Variants in UBE2K observed in about 807,000 individuals in gnomAD.
UBE2K encodes ubiquitin conjugating enzyme E2 K.
UBE2K carries 6 observed loss-of-function variants against 30.0 expected under a neutral mutation model. The ratio of observed to expected loss-of-function variants is 0.20; its 90% CI spans 0.11 to 0.39. The LOEUF (loss-of-function observed/expected upper bound fraction) is 0.39. UBE2K is among the 10% of genes least tolerant of loss of function. UBE2K has a pLI of 1.00. For missense variants in UBE2K, 61 were observed against 241.6 expected (o/e 0.25, Z 4.96); for synonymous variants, 86 against 83.7 (o/e 1.03, Z -0.15).
intron 3 of UBE2K, among the ~76,000 whole-genome samples, chr4:39,746,518 A>T (rs1336215198): frequency 6.6e-6 from 1 of 152,188 alleles, no homozygotes; most frequent in African/African-American, 2.4e-5. Context: ...GTTGGTCTAG[A>T]AATCTTCCTA....
chr4:39,718,091 TC>T (rs1350817245), intron 1 of UBE2K, among the ~76,000 whole-genome samples: 2 of 152,160 alleles, frequency 1.3e-5, no homozygotes, highest in Non-Finnish European at 2.9e-5. Context: ...CACTGCTGGC[TC>T]AGGCAGCCTG....
At chr4:39,770,836 C>T (rs1365186361) in intron 4 of UBE2K, 15 of 1,540,688 alleles carry the variant, frequency 9.7e-6, no homozygotes, top group Non-Finnish European at 1.2e-5. Context: ...GATACGTCCT[C>T]ATCCTCATCC....
chr4:39,705,147 C>G (rs547140915), intron 1 of UBE2K, among the ~76,000 whole-genome samples: 1 of 149,432 alleles, frequency 6.7e-6, no homozygotes, highest in Non-Finnish European at 1.5e-5. Context: ...TCTGCCGCCT[C>G]GGCCTCCCAA....
At chr4:39,740,664 C>T (rs960822748) in intron 2 of UBE2K, among the ~76,000 whole-genome samples, 1 of 150,280 alleles carries the variant, frequency 6.7e-6, no homozygotes, top group Non-Finnish European at 1.5e-5. Flanking sequence ...AGATCGAGAC[C>T]GTCCTGGCTA....
At chr4:39,742,031 A>G (rs1720728504) in intron 2 of UBE2K, among the ~76,000 whole-genome samples, 1 of 152,130 alleles carries the variant, frequency 6.6e-6, no homozygotes, top group African/African-American at 2.4e-5. Flanking sequence ...GTGTAACATA[A>G]GGGATAGAAA....
intron 2 of UBE2K, among the ~76,000 whole-genome samples, chr4:39,740,620 TG>T (rs1007290875): frequency 5.9e-5 from 9 of 151,790 alleles, no homozygotes; most frequent in African/African-American, 2.2e-4. Context: ...CCCAGCACTT[TG>T]GGAGGCTGAG....
At chr4:39,729,001 C>A (rs1044187493) in intron 1 of UBE2K, among the ~76,000 whole-genome samples, 4 of 143,144 alleles carry the variant, frequency 2.8e-5, no homozygotes, top group African/African-American at 1.0e-4. Context: ...AGGAGTCTTA[C>A]TTTGTCGCCC....
intron 1 of UBE2K, among the ~76,000 whole-genome samples, chr4:39,727,376 G>A (rs544181969): frequency 6.6e-6 from 1 of 152,100 alleles, no homozygotes; most frequent in African/African-American, 2.4e-5. Flanking sequence ...TGGGGGGAGC[G>A]CTGAGACAGG....
In UBE2K at chr4:39,730,726, C is replaced by T. The variant is rs189168982; in HGVS notation, c.64-6694C>T. ...TGGAGTTTGCAGTGAGCTGAGATTG[C>T]GCCACTGCACTCCAGCCTGGGCAAC... On this transcript the variant is annotated intron_variant, in intron 1 of 6. Transcript: ENST00000261427. Among the ~76,000 whole-genome samples, 382 of 150,100 alleles carry T rather than the reference C, an allele frequency of 2.5e-3. 7 individuals carry two copies. The highest frequency in any genetic ancestry group is 0.019 in the Admixed American group (282 of 15,088).
chr4:39,754,034 AAAAG>A (rs1166875324), intron 3 of UBE2K, among the ~76,000 whole-genome samples: 1 of 152,224 alleles, frequency 6.6e-6, no homozygotes, highest in African/African-American at 2.4e-5. Context: ...TTCTCAAAAA[AAAAG>A]AGAGAGAGAG....
rs569259325 is a variant in UBE2K at position 39,752,419 on chromosome 4, C to T, written c.217-3238C>T. Among the ~76,000 whole-genome samples the T allele has an allele frequency of 4.1e-5, 6 of 145,548 alleles. No homozygotes were observed. The East Asian group carries it at 8.3e-4, about 20-fold the overall frequency. On this transcript the variant is annotated intron_variant, in intron 3 of 6. Transcript: ENST00000261427. ...TGGCACAATCTCGGCTCACTGCAAG[C>T]TCCGCTTCCCAGGTTCACGCCATTC...
Position 39,782,273 on chromosome 4 carries a change from TTGTCTGCTTGC to T in UBE2K, c.*3843_*3853del, listed in dbSNP as rs1162963599. ...CATTACACTGTGCTGTTAACGATCCTTGTCTGCTTGCTGTTACCTACTTTTTACAGGCATCA... is the reference window on the plus strand; with the variant it reads ...CATTACACTGTGCTGTTAACGATCCTTGTTACCTACTTTTTACAGGCATCA... On this transcript the variant is annotated 3_prime_UTR_variant, in exon 7 of 7. Coordinates refer to ENST00000261427, the MANE Select transcript of UBE2K (RefSeq NM_005339.5). The T allele has an allele frequency of 1.7e-5, 5 of 299,454 alleles. No homozygotes were observed. Among genetic ancestry groups the T allele is most frequent in the Non-Finnish European group, 2.4e-5 (4 of 163,716 alleles). The allele number at this position is 299,454 out of a possible 1,614,324, so 18.5% of individuals were successfully genotyped here.
At chr4:39,778,269 G>C in intron 6 of UBE2K, 91 bp from the exon 7 acceptor site, 1 of 723,096 alleles carries the variant, frequency 1.4e-6, no homozygotes, top group Admixed American at 2.7e-5. Context: ...AAGAAACAAG[G>C]TGTTAATTCC....
chr4:39,763,019 C>G (rs1712066154), intron 4 of UBE2K, among the ~76,000 whole-genome samples: 1 of 147,054 alleles, frequency 6.8e-6, no homozygotes, highest in Admixed American at 6.9e-5. Flanking sequence ...ACTGCAACCT[C>G]CACCTCCCGG....
intron 1 of UBE2K, among the ~76,000 whole-genome samples, chr4:39,705,962 G>A (rs897633058): frequency 6.7e-6 from 1 of 150,030 alleles, no homozygotes; most frequent in Non-Finnish European, 1.5e-5. Flanking sequence ...CAATACCTCA[G>A]CCTCTGGAAT....
chr4:39,747,050 C>G (rs1319009599), intron 3 of UBE2K, among the ~76,000 whole-genome samples: 1 of 152,166 alleles, frequency 6.6e-6, no homozygotes, highest in African/African-American at 2.4e-5. Context: ...TTCATTCAAC[C>G]TATTGGTTGT....
At chr4:39,756,625 G>A (rs760113636) in intron 4 of UBE2K, among the ~76,000 whole-genome samples, 4 of 151,818 alleles carry the variant, frequency 2.6e-5, no homozygotes, top group Admixed American at 1.3e-4. Flanking sequence ...GCTAATGTTT[G>A]TATTTTTTTT....
At chr4:39,771,820 T>A (rs1329772700) in intron 4 of UBE2K, among the ~76,000 whole-genome samples, 1 of 152,188 alleles carries the variant, frequency 6.6e-6, no homozygotes, top group East Asian at 1.9e-4. Context: ...TTGTTGGTTG[T>A]TGGCAATAAC....
At chr4:39,763,308 A>G (rs558973065) in intron 4 of UBE2K, among the ~76,000 whole-genome samples, 3 of 150,386 alleles carry the variant, frequency 2.0e-5, no homozygotes, top group Non-Finnish European at 3.0e-5. Flanking sequence ...CTGGAGTGCA[A>G]TGTCACGATG....
Sources: gnomAD v4.1 joint callset for allele counts (sites outside exome capture counted in the v4.1 genomes callset) on GRCh38, gnomAD v4.1.1 for gene constraint, MANE v1.5 for transcripts, NCBI Gene and HGNC (gene_info 2026-07-23, HGNC 2026-07-21) for gene names.